The following TMEM232 variants were observed in gnomAD, a reference collection of about 807,000 sequenced individuals.
TMEM232 encodes transmembrane protein 232.
In TMEM232, 80 loss-of-function variants were observed where a neutral mutation model predicts 78.8. That is an observed-to-expected ratio of 1.01 (90% CI 0.85 to 1.22). The LOEUF (loss-of-function observed/expected upper bound fraction) is 1.22, where lower values mean the gene tolerates loss of function less well. TMEM232 is among the 50% of genes most tolerant of loss of function. The probability of loss-of-function intolerance (pLI) is 0.00; values close to 1 mark genes in which losing one functional copy is unlikely to be tolerated. For synonymous variants in TMEM232, 297 were observed against 254.3 expected, an observed-to-expected ratio of 1.17 and a Z score of -1.60; for missense variants, 881 against 742.2, an observed-to-expected ratio of 1.19 and a Z score of -2.17.
intron 1 of TMEM232, among the ~76,000 whole-genome samples, chr5:110,686,166 A>AAC (rs1241130725): frequency 6.6e-6 from 1 of 152,044 alleles, no homozygotes; most frequent in East Asian, 1.9e-4. Flanking sequence ...GTCTAATCCC[A>AAC]ATACTTGTGA....
At chr5:110,599,746 TAGAC>T in intron 10 of TMEM232, among the ~76,000 whole-genome samples, 1 of 152,154 alleles carries the variant, frequency 6.6e-6, no homozygotes, top group Non-Finnish European at 1.5e-5. Flanking sequence ...CTGTCAATAT[TAGAC>T]AGATCAACGA....
At chr5:110,637,670 C>G (rs1379069069) in intron 5 of TMEM232, among the ~76,000 whole-genome samples, 1 of 151,710 alleles carries the variant, frequency 6.6e-6, no homozygotes, top group Non-Finnish European at 1.5e-5. Flanking sequence ...ATTTGTTTGA[C>G]TAATAATATA....
intron 1 of TMEM232, among the ~76,000 whole-genome samples, chr5:110,724,155 T>C (rs1016392754): frequency 6.6e-6 from 1 of 152,198 alleles, no homozygotes; most frequent in Non-Finnish European, 1.5e-5. Context: ...AACTCTTGCA[T>C]GGGACTTTAT....
intron 1 of TMEM232, among the ~76,000 whole-genome samples, chr5:110,689,036 C>G (rs1006977884): frequency 1.3e-5 from 2 of 152,068 alleles, no homozygotes; most frequent in Non-Finnish European, 1.5e-5. Context: ...TTTGTGAAAA[C>G]TGTATGCTTC....
At chr5:110,563,871 CTG>C (rs1445215896) in intron 11 of TMEM232, among the ~76,000 whole-genome samples, 2 of 151,920 alleles carry the variant, frequency 1.3e-5, no homozygotes, top group African/African-American at 2.4e-5. Context: ...GTGGGCAGCT[CTG>C]TGATTGTCTT....
intron 11 of TMEM232, among the ~76,000 whole-genome samples, chr5:110,561,820 TTGTC>T (rs1279876879): frequency 1.3e-5 from 2 of 152,076 alleles, no homozygotes; most frequent in Non-Finnish European, 2.9e-5. Flanking sequence ...CTGTTCCACG[TTGTC>T]TGTCATCTTC....
intron 11 of TMEM232, among the ~76,000 whole-genome samples, chr5:110,550,453 T>A (rs1295336058): frequency 6.6e-6 from 1 of 152,076 alleles, no homozygotes; most frequent in African/African-American, 2.4e-5. Context: ...AAAAAGTTTA[T>A]GATGCTCACA....
At chr5:110,652,748 G>A (rs934691041) in intron 2 of TMEM232, among the ~76,000 whole-genome samples, 2 of 150,290 alleles carry the variant, frequency 1.3e-5, no homozygotes, top group East Asian at 3.9e-4. Flanking sequence ...ATGGTAAGAA[G>A]CAAAAGGAAA....
chr5:110,460,600 ATATACTAC>A (rs1761411362), intron 12 of TMEM232, among the ~76,000 whole-genome samples: 2 of 152,154 alleles, frequency 1.3e-5, no homozygotes, highest in South Asian at 4.2e-4. Context: ...ACACACACAC[ATATACTAC>A]TATAGGCATA....
At chr5:110,587,689 ATATGTGTGTGTGTGTGTGTGTGTG>A (rs1452291224) in intron 10 of TMEM232, among the ~76,000 whole-genome samples, 2 of 53,260 alleles carry the variant, frequency 3.8e-5, no homozygotes, top group African/African-American at 1.7e-4. Context: ...ATATATATAT[ATATGTGTGTGTGTGTGTGTGTGTG>A]TGTGTGTGTG....
At chr5:110,688,595 A>T (rs762002276) in intron 1 of TMEM232, among the ~76,000 whole-genome samples, 3 of 152,186 alleles carry the variant, frequency 2.0e-5, no homozygotes, top group African/African-American at 4.8e-5. Flanking sequence ...ACTGTGGCCC[A>T]TAAGAGGTAT....
At chr5:110,726,109 C>T (rs544435267) in intron 1 of TMEM232, among the ~76,000 whole-genome samples, 20 of 52,336 alleles carry the variant, frequency 3.8e-4, no homozygotes, top group African/African-American at 2.5e-3. Context: ...CTCTCTCTTT[C>T]ACACACACAC....
At chr5:110,602,884 A>G (rs2149816961) in intron 10 of TMEM232, among the ~76,000 whole-genome samples, 1 of 152,338 alleles carries the variant, frequency 6.6e-6, no homozygotes, top group East Asian at 1.9e-4. Context: ...AAGAGTTGGA[A>G]CCAACCCAAA....
At chr5:110,403,963 A>G (rs1755697295) in intron 2 of TMEM232, among the ~76,000 whole-genome samples, 1 of 152,000 alleles carries the variant, frequency 6.6e-6, no homozygotes, top group Admixed American at 6.6e-5. Flanking sequence ...TTATAAGATC[A>G]AAATGGTGAT....
At chr5:110,503,411 G>A (rs1766493988) in intron 12 of TMEM232, among the ~76,000 whole-genome samples, 1 of 151,890 alleles carries the variant, frequency 6.6e-6, no homozygotes, top group African/African-American at 2.4e-5. Context: ...TGAGAGGAAG[G>A]GAGATGAGTT....
At chr5:110,461,166 T>C (rs1429726455) in intron 12 of TMEM232, among the ~76,000 whole-genome samples, 2 of 152,002 alleles carry the variant, frequency 1.3e-5, no homozygotes, top group Non-Finnish European at 2.9e-5. Flanking sequence ...GCTAGGTCTC[T>C]AGTACCAAAT....
rs1200578830 is a variant in TMEM232 at position 110,419,655 on chromosome 5, T to G, written c.*925A>C. On this transcript the variant is annotated 3_prime_UTR_variant, in exon 14 of 14. Transcript: ENST00000455884. Reference sequence around the variant, plus strand: ...GTATTCCTTAGCCGGCTTCACTAATTTATGTTACCTTTCTGACCTGGTAGT... The same window carrying G: ...GTATTCCTTAGCCGGCTTCACTAATGTATGTTACCTTTCTGACCTGGTAGT... 1.3e-5 allele frequency among the ~76,000 whole-genome samples: 2 copies of G among 152,098 alleles called. No individual in the cohort carries two copies. The highest frequency in any genetic ancestry group is 4.8e-5 in the African/African-American group (2 of 41,450).
chr5:110,577,905 A>G (rs769742577), intron 10 of TMEM232, among the ~76,000 whole-genome samples: 2 of 151,984 alleles, frequency 1.3e-5, no homozygotes, highest in Admixed American at 1.3e-4. Flanking sequence ...GAAGATCAGG[A>G]TACATAACTA....
At chr5:110,426,956 A>T (rs1757306819) in intron 12 of TMEM232, among the ~76,000 whole-genome samples, 1 of 152,052 alleles carries the variant, frequency 6.6e-6, no homozygotes, top group Non-Finnish European at 1.5e-5. Context: ...TTTAAGTTTT[A>T]AAAAATGTAG....
Sources: gnomAD v4.1 joint callset for allele counts (sites outside exome capture counted in the v4.1 genomes callset) on GRCh38, gnomAD v4.1.1 for gene constraint, MANE v1.5 for transcripts, NCBI Gene and HGNC (gene_info 2026-07-23, HGNC 2026-07-21) for gene names.